PTPRR: variants seen among roughly 807,000 people sequenced by gnomAD.
PTPRR encodes receptor-type tyrosine-protein phosphatase R.
A neutral mutation model predicts 77.2 loss-of-function variants in PTPRR; 38 were observed. The observed-to-expected ratio is 0.49, with a 90% CI of 0.38 to 0.65. The LOEUF (loss-of-function observed/expected upper bound fraction) is 0.65. Ranked by LOEUF, PTPRR falls within the 30% of genes least tolerant of loss-of-function variation. The pLI, the probability that PTPRR is intolerant of heterozygous loss-of-function variation, is 0.00. For missense variants in PTPRR, 744 were observed against 799.2 expected, an observed-to-expected ratio of 0.93 and a Z score of 0.83; for synonymous variants, 299 against 283.1, an observed-to-expected ratio of 1.06 and a Z score of -0.57.
intron 2 of PTPRR, among the ~76,000 whole-genome samples, chr12:70,808,647 G>A (rs1454210089): frequency 1.3e-5 from 2 of 152,124 alleles, no homozygotes; most frequent in African/African-American, 2.4e-5. Context: ...ATTTGTCAAA[G>A]CAATAAAGGT....
chr12:70,678,353 G>A (rs1423755409), intron 10 of PTPRR, among the ~76,000 whole-genome samples: 1 of 152,032 alleles, frequency 6.6e-6, no homozygotes, highest in Admixed American at 6.6e-5. Flanking sequence ...GATAGGTTCT[G>A]TTACTGATTT....
chr12:70,847,175 G>T (rs1252835396), intron 2 of PTPRR, among the ~76,000 whole-genome samples: 1 of 152,168 alleles, frequency 6.6e-6, no homozygotes, highest in Non-Finnish European at 1.5e-5. Flanking sequence ...AGTTTATGCA[G>T]CTGTAACATC....
intron 2 of PTPRR, among the ~76,000 whole-genome samples, chr12:70,875,074 T>C (rs1204780822): frequency 1.3e-5 from 2 of 152,164 alleles, no homozygotes; most frequent in Admixed American, 6.5e-5. Flanking sequence ...TGAATTATCA[T>C]TCATAGAGGA....
intron 13 of PTPRR, 135 bp downstream of exon 13, chr12:70,656,569 A>T: frequency 3.2e-6 from 2 of 624,746 alleles, no homozygotes; most frequent in Non-Finnish European, 5.7e-6. Flanking sequence ...TAATGCATAT[A>T]CTTAAGCATT....
chr12:70,814,903 A>G (rs1349736340), intron 2 of PTPRR, among the ~76,000 whole-genome samples: 1 of 152,132 alleles, frequency 6.6e-6, no homozygotes, highest in East Asian at 1.9e-4. Flanking sequence ...GGCACCCAAC[A>G]AGGTACAATT....
At chr12:70,732,293 T>C (rs964763583) in intron 6 of PTPRR, among the ~76,000 whole-genome samples, 2 of 152,228 alleles carry the variant, frequency 1.3e-5, no homozygotes, top group African/African-American at 4.8e-5. Context: ...AATATTCCTC[T>C]GAATAGGGAT....
intron 2 of PTPRR, among the ~76,000 whole-genome samples, chr12:70,882,197 T>A (rs1893160316): frequency 6.6e-6 from 1 of 152,192 alleles, no homozygotes; most frequent in Non-Finnish European, 1.5e-5. Context: ...AGTGAAGAGA[T>A]CTCCAAATCT....
intron 12 of PTPRR, among the ~76,000 whole-genome samples, chr12:70,657,928 A>T (rs1886644215): frequency 6.6e-6 from 1 of 152,274 alleles, no homozygotes; most frequent in African/African-American, 2.4e-5. Flanking sequence ...ATAGTTTCCA[A>T]GTCTCAAGTC....
At chr12:70,726,989 G>T (rs1431379327) in intron 6 of PTPRR, among the ~76,000 whole-genome samples, 1 of 151,996 alleles carries the variant, frequency 6.6e-6, no homozygotes, top group Non-Finnish European at 1.5e-5. Flanking sequence ...AAGGGGGAAA[G>T]TGGAATAAGC....
At chr12:70,670,655 C>T (rs138407866) in intron 10 of PTPRR, among the ~76,000 whole-genome samples, 12 of 152,256 alleles carry the variant, frequency 7.9e-5, no homozygotes, top group Middle Eastern at 3.4e-3. Context: ...AAGTAACTTC[C>T]AGAAGTAGTA....
chr12:70,735,091 T>C lies in PTPRR; in HGVS notation c.1007+10727A>G, dbSNP rs1368613040. Among the ~76,000 whole-genome samples the C allele has an allele frequency of 3.3e-5, 5 of 152,148 alleles. No individual in the cohort carries two copies. In the East Asian group the frequency reaches 9.6e-4, roughly 29 times the overall value. On this transcript the variant is annotated intron_variant, in intron 6 of 13. Coordinates refer to ENST00000283228, the MANE Select transcript of PTPRR (RefSeq NM_002849.4). The stretch of plus-strand genomic sequence containing the variant: ...ACCCTCCAGAATTCCAACCTACCTA[T>C]ATAAAATCTGACAAATAAAGAGAAC...
chr12:70,724,119 C>T (rs2136857969), intron 6 of PTPRR, among the ~76,000 whole-genome samples: 1 of 152,194 alleles, frequency 6.6e-6, no homozygotes, highest in South Asian at 2.1e-4. Context: ...TTTTAAGTTA[C>T]TTCATATCCT....
At chr12:70,711,960 T>C (rs969723640) in intron 6 of PTPRR, among the ~76,000 whole-genome samples, 4 of 152,140 alleles carry the variant, frequency 2.6e-5, no homozygotes, top group African/African-American at 9.6e-5. Context: ...TACATCTCTG[T>C]GTTTGTTCAG....
chr12:70,917,299 T>TA (rs1347415485), intron 1 of PTPRR, among the ~76,000 whole-genome samples: 3 of 152,220 alleles, frequency 2.0e-5, no homozygotes, highest in Non-Finnish European at 4.4e-5. Context: ...ACCACTAACT[T>TA]AATCAATGGT....
At chr12:70,698,842 A>G (rs532903684) in intron 7 of PTPRR, among the ~76,000 whole-genome samples, 2 of 152,292 alleles carry the variant, frequency 1.3e-5, no homozygotes, top group East Asian at 3.9e-4. Context: ...AATTCAAGTG[A>G]TGACATGACT....
intron 2 of PTPRR, among the ~76,000 whole-genome samples, chr12:70,847,077 T>G (rs1892497369): frequency 6.6e-6 from 1 of 152,184 alleles, no homozygotes; most frequent in Admixed American, 6.5e-5. Context: ...CTAACTTTCC[T>G]GCTTTGAAGG....
At chr12:70,889,997 T>C (rs188027076) in intron 2 of PTPRR, among the ~76,000 whole-genome samples, 1 of 152,300 alleles carries the variant, frequency 6.6e-6, no homozygotes, top group Non-Finnish European at 1.5e-5. Context: ...TGAACTGAAA[T>C]GGCCTGTAGT....
intron 6 of PTPRR, among the ~76,000 whole-genome samples, chr12:70,714,117 CTG>C (rs1449212372): frequency 6.6e-6 from 1 of 152,080 alleles, no homozygotes. Context: ...GTCTTCATGA[CTG>C]TGTCTGCCTA....
intron 2 of PTPRR, among the ~76,000 whole-genome samples, chr12:70,769,851 C>T (rs562794943): frequency 0.011 from 1,625 of 151,972 alleles, 35 homozygotes; most frequent in African/African-American, 0.034. Flanking sequence ...TCAGAAATAA[C>T]GCCGCATATC....
Sources: gnomAD v4.1 joint callset for allele counts (sites outside exome capture counted in the v4.1 genomes callset) on GRCh38, gnomAD v4.1.1 for gene constraint, MANE v1.5 for transcripts, NCBI Gene and HGNC (gene_info 2026-07-23, HGNC 2026-07-21) for gene names.